The following C8orf34 variants were observed in gnomAD, a reference collection of about 807,000 sequenced individuals.
C8orf34 encodes the protein chromosome 8 open reading frame 34.
Under a neutral mutation model 68.3 loss-of-function variants are expected in C8orf34, and 65 were observed. The observed-to-expected ratio is 0.95, with a 90% CI of 0.78 to 1.17. C8orf34 has a LOEUF of 1.17. C8orf34 is among the 50% of genes most tolerant of loss of function. The pLI is 0.00. For synonymous variants in C8orf34, 244 were observed against 241.2 expected (o/e 1.01, Z -0.11); for missense variants, 664 against 655.4 (o/e 1.01, Z -0.14).
chr8:68,484,770 A>C (rs916229201), intron 4 of C8orf34, among the ~76,000 whole-genome samples: 1 of 150,358 alleles, frequency 6.7e-6, no homozygotes, highest in African/African-American at 2.5e-5. Context: ...TCTGCTTTTA[A>C]TCTGTATAAG....
At chr8:68,583,045 G>A (rs1817112325) in intron 7 of C8orf34, among the ~76,000 whole-genome samples, 1 of 152,100 alleles carries the variant, frequency 6.6e-6, no homozygotes, top group Admixed American at 6.6e-5. Flanking sequence ...CATTATAAAT[G>A]TAAGTTTCCT....
intron 8 of C8orf34, among the ~76,000 whole-genome samples, chr8:68,681,417 C>T (rs753662907): frequency 1.2e-4 from 18 of 152,098 alleles, no homozygotes; most frequent in Non-Finnish European, 2.2e-4. Context: ...CCTGACTTCC[C>T]GCAACAATTG....
chr8:68,354,089 A>G (rs967289590), intron 1 of C8orf34, among the ~76,000 whole-genome samples: 12 of 152,176 alleles, frequency 7.9e-5, no homozygotes, highest in Middle Eastern at 3.4e-3. Context: ...ACGTAAGGAG[A>G]GAGAGGAGTA....
At chr8:68,536,292 G>A (rs1252147087) in intron 7 of C8orf34, among the ~76,000 whole-genome samples, 3 of 143,194 alleles carry the variant, frequency 2.1e-5, no homozygotes, top group Admixed American at 7.2e-5. Context: ...CTGGAAGGTC[G>A]AGTCTGCAGT....
chr8:68,435,443 G>A lies in C8orf34; in HGVS notation c.328-4056G>A, dbSNP rs534353077. Among the ~76,000 whole-genome samples the A allele has an allele frequency of 3.9e-5, 6 of 152,174 alleles. No homozygotes were observed. The South Asian group carries it at 1.2e-3, about 32-fold the overall frequency. ...ACCAAAAGTCAGAGGGGCTGACCCTGAATATACCAGCCTGCAGCAGGGAAG... is the reference window on the plus strand; with the variant it reads ...ACCAAAAGTCAGAGGGGCTGACCCTAAATATACCAGCCTGCAGCAGGGAAG... On this transcript the variant is annotated intron_variant, in intron 1 of 13. Transcript: ENST00000518698.
intron 10 of C8orf34, among the ~76,000 whole-genome samples, chr8:68,774,944 T>TAAAAAAAAAGAAAAAAAAAAAAA (rs1823466171): frequency 2.2e-5 from 1 of 44,688 alleles, no homozygotes; most frequent in Non-Finnish European, 3.8e-5. Context: ...CTGTCTCCAC[T>TAAAAAAAAAGAAAAAAAAAAAAA]AAAAAAAAAA....
chr8:68,517,574 C>A (rs1445660132), intron 5 of C8orf34, among the ~76,000 whole-genome samples: 1 of 152,176 alleles, frequency 6.6e-6, no homozygotes, highest in Non-Finnish European at 1.5e-5. Flanking sequence ...TCCTGAATAT[C>A]ACACTGTTTA....
At chr8:68,473,679 A>G (rs576621580) in intron 4 of C8orf34, among the ~76,000 whole-genome samples, 1 of 152,206 alleles carries the variant, frequency 6.6e-6, no homozygotes, top group Admixed American at 6.5e-5. Flanking sequence ...CTACCTGCCT[A>G]AATAATTTCT....
chr8:68,524,526 A>G (rs1814895987), intron 6 of C8orf34, among the ~76,000 whole-genome samples: 1 of 152,178 alleles, frequency 6.6e-6, no homozygotes, highest in Non-Finnish European at 1.5e-5. Context: ...CAGAATTAAG[A>G]GTGCTTAAGA....
chr8:68,432,788 C>T (rs1169524369), intron 1 of C8orf34, among the ~76,000 whole-genome samples: 2 of 152,086 alleles, frequency 1.3e-5, no homozygotes, highest in African/African-American at 2.4e-5. Context: ...CTGTCCTGTT[C>T]TCACTGTGCA....
At chr8:68,539,580 G>A (rs539292632) in intron 7 of C8orf34, among the ~76,000 whole-genome samples, 377 of 152,182 alleles carry the variant, frequency 2.5e-3, no homozygotes, top group Non-Finnish European at 4.6e-3. Context: ...GGCCAAGCAC[G>A]GTGGCTCACG....
chr8:68,429,883 A>G (rs940475716), intron 1 of C8orf34, among the ~76,000 whole-genome samples: 3 of 152,148 alleles, frequency 2.0e-5, no homozygotes, highest in Non-Finnish European at 4.4e-5. Context: ...TATCATAGAA[A>G]AATAGTTGGT....
intron 8 of C8orf34, among the ~76,000 whole-genome samples, chr8:68,691,964 G>GGGAGACTCTTTCTGTGAGT (rs1820697625): frequency 6.6e-6 from 1 of 151,998 alleles, no homozygotes. Flanking sequence ...AAAATGTGAG[G>GGGAGACTCTTTCTGTGAGT]GGAGACTCTT....
intron 8 of C8orf34, among the ~76,000 whole-genome samples, chr8:68,661,797 C>T (rs6982247): frequency 0.28 from 42,547 of 151,832 alleles, 6,502 homozygotes; most frequent in East Asian, 0.56. Context: ...TGGAGGTTCT[C>T]GGGGGACCCT....
chr8:68,603,196 C>G (rs574257970), intron 7 of C8orf34, among the ~76,000 whole-genome samples: 1 of 152,012 alleles, frequency 6.6e-6, no homozygotes, highest in Non-Finnish European at 1.5e-5. Context: ...AGCTACTCCC[C>G]CTTGGCTAGG....
At chr8:68,636,768 A>C (rs1202059085) in intron 7 of C8orf34, among the ~76,000 whole-genome samples, 5 of 152,100 alleles carry the variant, frequency 3.3e-5, no homozygotes, top group Non-Finnish European at 7.4e-5. Flanking sequence ...TTTTTGTTGC[A>C]TCATCATTGC....
chr8:68,345,747 G>T (rs1806255347), intron 1 of C8orf34, among the ~76,000 whole-genome samples: 1 of 151,396 alleles, frequency 6.6e-6, no homozygotes, highest in South Asian at 2.1e-4. Context: ...ATATAAGTGG[G>T]TATATATATA....
chr8:68,442,106 A>G (rs1810933342), intron 2 of C8orf34, among the ~76,000 whole-genome samples: 2 of 152,110 alleles, frequency 1.3e-5, no homozygotes, highest in Non-Finnish European at 2.9e-5. Context: ...ATGGACTGGG[A>G]GAAGGCAAGT....
intron 12 of C8orf34, among the ~76,000 whole-genome samples, chr8:68,793,870 C>A (rs1824084885): frequency 6.6e-6 from 1 of 151,608 alleles, no homozygotes; most frequent in African/African-American, 2.4e-5. Flanking sequence ...TATTAATTTC[C>A]AATAGAAAAC....
Sources: allele counts gnomAD v4.1 joint callset (sites outside exome capture counted in the v4.1 genomes callset), GRCh38; gene constraint gnomAD v4.1.1; transcripts MANE v1.5; gene names NCBI Gene and HGNC (gene_info 2026-07-23, HGNC 2026-07-21).